KCNIP1: variants seen among roughly 807,000 people sequenced by gnomAD.
KCNIP1 encodes the protein potassium voltage-gated channel interacting protein 1.
KCNIP1 carries 18 observed loss-of-function variants against 33.0 expected under a neutral mutation model. The ratio of observed to expected loss-of-function variants is 0.55; its 90% CI spans 0.38 to 0.81. KCNIP1 has a LOEUF of 0.81. KCNIP1 is among the 30% of genes least tolerant of loss of function. The pLI is 0.00. For missense variants in KCNIP1, 238 were observed against 271.6 expected (o/e 0.88, Z 0.87); for synonymous variants, 93 against 98.3 (o/e 0.95, Z 0.32).
At chr5:170,717,749 G>A (rs1344829911) in intron 1 of KCNIP1, among the ~76,000 whole-genome samples, 1 of 152,188 alleles carries the variant, frequency 6.6e-6, no homozygotes, top group African/African-American at 2.4e-5. Flanking sequence ...GGTTGCCACA[G>A]GATGAGACAT....
At chr5:170,605,552 G>A (rs1758873440) in intron 1 of KCNIP1, among the ~76,000 whole-genome samples, 1 of 152,094 alleles carries the variant, frequency 6.6e-6, no homozygotes, top group Non-Finnish European at 1.5e-5. Flanking sequence ...ACCTCAGATG[G>A]AAGCCCCGTA....
chr5:170,519,633 T>C (rs1755280113), intron 1 of KCNIP1, among the ~76,000 whole-genome samples: 1 of 152,106 alleles, frequency 6.6e-6, no homozygotes, highest in South Asian at 2.1e-4. Flanking sequence ...CAGGAGGTAA[T>C]GGAAAGACCA....
intron 1 of KCNIP1, among the ~76,000 whole-genome samples, chr5:170,392,075 T>G (rs994209360): frequency 6.6e-6 from 1 of 151,708 alleles, no homozygotes; most frequent in Admixed American, 6.6e-5. Flanking sequence ...GGGCTCGAGT[T>G]CCCCCCACAC....
chr5:170,478,750 C>T (rs1300147897), intron 1 of KCNIP1, among the ~76,000 whole-genome samples: 2 of 152,162 alleles, frequency 1.3e-5, no homozygotes, highest in Non-Finnish European at 2.9e-5. Context: ...GAAAAGGTTT[C>T]TCATGAAGCA....
intron 1 of KCNIP1, among the ~76,000 whole-genome samples, chr5:170,618,910 T>G (rs1759502633): frequency 6.6e-6 from 1 of 152,136 alleles, no homozygotes; most frequent in South Asian, 2.1e-4. Flanking sequence ...CCTACTGAGC[T>G]CTATATGGAG....
intron 1 of KCNIP1, among the ~76,000 whole-genome samples, chr5:170,518,599 G>A (rs545825826): frequency 3.9e-5 from 6 of 152,314 alleles, no homozygotes; most frequent in Non-Finnish European, 5.9e-5. Flanking sequence ...TGAAGATAAC[G>A]CGGGGGTTAT....
Position 170,414,217 on chromosome 5 carries a change from C to T in KCNIP1, c.88+60253C>T, listed in dbSNP as rs1755268924. Among the ~76,000 whole-genome samples the T allele has an allele frequency of 2.6e-5, 4 of 152,184 alleles. No homozygotes were observed. The South Asian group carries it at 8.3e-4, about 32-fold the overall frequency. On this transcript the variant is annotated intron_variant, in intron 1 of 7. Coordinates refer to the KCNIP1 transcript ENST00000377360. The stretch of plus-strand genomic sequence containing the variant: ...ATATTCTCCCTTATATCTAAGGTAC[C>T]CTCTGCTGTGAGACATGCAATCAAC...
chr5:170,671,060 G>T (rs1032376261), intron 1 of KCNIP1, among the ~76,000 whole-genome samples: 1 of 152,110 alleles, frequency 6.6e-6, no homozygotes, highest in Non-Finnish European at 1.5e-5. Flanking sequence ...TTCTGAGGCA[G>T]TCTGGAAGTT....
intron 1 of KCNIP1, chr5:170,681,037 A>G (rs901877618): frequency 4.8e-5 from 19 of 399,396 alleles, no homozygotes; most frequent in Middle Eastern, 1.2e-3. Flanking sequence ...ATGACCGCCT[A>G]GCGCTTGCCG....
intron 1 of KCNIP1, among the ~76,000 whole-genome samples, chr5:170,658,405 A>G (rs1761352152): frequency 6.6e-6 from 1 of 152,200 alleles, no homozygotes; most frequent in African/African-American, 2.4e-5. Context: ...CACTCCCCAA[A>G]TAATCCATTA....
chr5:170,397,237 A>C (rs929076704), intron 1 of KCNIP1, among the ~76,000 whole-genome samples: 1 of 152,192 alleles, frequency 6.6e-6, no homozygotes, highest in Non-Finnish European at 1.5e-5. Context: ...TCAGTCAATC[A>C]AGCGGCTTAG....
At chr5:170,673,456 A>G (rs1762000171) in intron 1 of KCNIP1, among the ~76,000 whole-genome samples, 1 of 152,240 alleles carries the variant, frequency 6.6e-6, no homozygotes. Flanking sequence ...TAGGTCTACC[A>G]TGGTTCCTGT....
At chr5:170,735,097 T>G (rs1053433540) in intron 7 of KCNIP1, among the ~76,000 whole-genome samples, 1 of 152,234 alleles carries the variant, frequency 6.6e-6, no homozygotes, top group African/African-American at 2.4e-5. Flanking sequence ...ATTAACCTTT[T>G]CATTTCTGAT....
intron 1 of KCNIP1, among the ~76,000 whole-genome samples, chr5:170,511,164 G>A (rs1230819126): frequency 1.3e-5 from 2 of 152,198 alleles, no homozygotes; most frequent in Non-Finnish European, 2.9e-5. Context: ...AGCCAAGACT[G>A]CACCATTGCA....
intron 1 of KCNIP1, among the ~76,000 whole-genome samples, chr5:170,682,081 C>T (rs778463861): frequency 2.0e-5 from 3 of 152,124 alleles, no homozygotes; most frequent in Non-Finnish European, 2.9e-5. Context: ...ATGACAAAAC[C>T]GTACATAATA....
intron 1 of KCNIP1, among the ~76,000 whole-genome samples, chr5:170,637,713 C>T (rs1003829036): frequency 7.2e-5 from 11 of 152,282 alleles, no homozygotes; most frequent in Non-Finnish European, 1.6e-4. Context: ...ACTCTCCTCT[C>T]CTTCCCTGCC....
Position 170,431,462 on chromosome 5 carries a change from TG to T in KCNIP1, c.88+77502del, listed in dbSNP as rs934380613. Among the ~76,000 whole-genome samples the T allele has an allele frequency of 2.0e-4, 30 of 152,214 alleles. 1 individual carries two copies. Among genetic ancestry groups the T allele is most frequent in the Admixed American group, 1.8e-3 (27 of 15,288 alleles). ...GGGATTTTAGGTGGTGGTGAGAAAA[TG>T]GGGAAAGAAATCACATTCGTTGACC... On this transcript the variant is annotated intron_variant, in intron 1 of 7. Coordinates refer to the KCNIP1 transcript ENST00000377360.
chr5:170,394,167 T>G (rs1209128637), intron 1 of KCNIP1, among the ~76,000 whole-genome samples: 1 of 152,140 alleles, frequency 6.6e-6, no homozygotes, highest in Non-Finnish European at 1.5e-5. Flanking sequence ...CTCTTCCTCT[T>G]CCACAGGACT....
At chr5:170,403,623 T>C (rs1257662610) in intron 1 of KCNIP1, among the ~76,000 whole-genome samples, 1 of 152,160 alleles carries the variant, frequency 6.6e-6, no homozygotes, top group East Asian at 1.9e-4. Flanking sequence ...CTTTTGAGTG[T>C]ATAGGTCTCC....
Sources: gnomAD v4.1 joint callset for allele counts (sites outside exome capture counted in the v4.1 genomes callset) on GRCh38, gnomAD v4.1.1 for gene constraint, MANE v1.5 for transcripts, NCBI Gene and HGNC (gene_info 2026-07-23, HGNC 2026-07-21) for gene names.